The following GPC5 variants were observed in gnomAD, a reference collection of about 807,000 sequenced individuals.
GPC5 encodes the protein glypican-5.
In GPC5, 47 loss-of-function variants were observed where a neutral mutation model predicts 53.9. The ratio of observed to expected loss-of-function variants is 0.87; its 90% CI spans 0.69 to 1.11. The LOEUF is 1.11. GPC5 is among the 50% of genes most tolerant of loss of function. The pLI, the probability that GPC5 is intolerant of heterozygous loss-of-function variation, is 0.00. For missense variants in GPC5, 748 were observed against 713.1 expected (o/e 1.05, Z -0.56); for synonymous variants, 286 against 263.3 (o/e 1.09, Z -0.84).
chr13:91,556,604 C>A (rs974225299), intron 2 of GPC5, among the ~76,000 whole-genome samples: 19 of 151,574 alleles, frequency 1.3e-4, no homozygotes, highest in Admixed American at 1.2e-3. Flanking sequence ...CACATATACA[C>A]ACACATATAT....
At chr13:91,940,070 G>A (rs2039910932) in intron 6 of GPC5, among the ~76,000 whole-genome samples, 1 of 151,952 alleles carries the variant, frequency 6.6e-6, no homozygotes, top group Non-Finnish European at 1.5e-5. Context: ...ATTCTATTTT[G>A]TTTTAACTGG....
chr13:92,571,392 G>A (rs1465265791), intron 7 of GPC5, among the ~76,000 whole-genome samples: 2 of 152,142 alleles, frequency 1.3e-5, no homozygotes, highest in African/African-American at 4.8e-5. Flanking sequence ...AAGGAGCCAG[G>A]CCATGCGCCA....
chr13:92,633,101 G>A (rs561729256), intron 7 of GPC5, among the ~76,000 whole-genome samples: 8 of 152,246 alleles, frequency 5.3e-5, no homozygotes, highest in African/African-American at 1.9e-4. Flanking sequence ...ATGTTGGCCA[G>A]GCTGGTCATG....
chr13:92,579,294 TCTCTCTCC>T (rs1566302785), intron 7 of GPC5, among the ~76,000 whole-genome samples: 7 of 64,722 alleles, frequency 1.1e-4, no homozygotes, highest in African/African-American at 3.2e-4. Flanking sequence ...TCTCTCTCTC[TCTCTCTCC>T]CTCCCTCCCT....
At chr13:92,822,127 ATAAT>A (rs1877694542) in intron 7 of GPC5, among the ~76,000 whole-genome samples, 1 of 152,154 alleles carries the variant, frequency 6.6e-6, no homozygotes, top group South Asian at 2.1e-4. Context: ...ATTACCTCAA[ATAAT>A]TATTACAAAG....
chr13:91,747,281 A>T (rs1411725922), intron 4 of GPC5, among the ~76,000 whole-genome samples: 1 of 152,194 alleles, frequency 6.6e-6, no homozygotes, highest in Non-Finnish European at 1.5e-5. Flanking sequence ...GGTGGGTTGC[A>T]TTCCCCTTTA....
intron 7 of GPC5, among the ~76,000 whole-genome samples, chr13:92,356,430 C>T (rs865773763): frequency 6.6e-6 from 1 of 152,022 alleles, no homozygotes; most frequent in Non-Finnish European, 1.5e-5. Context: ...TAGCAAAAGT[C>T]GAAACAGAAA....
At chr13:91,892,235 C>T (rs991903425) in intron 5 of GPC5, among the ~76,000 whole-genome samples, 2 of 151,800 alleles carry the variant, frequency 1.3e-5, no homozygotes, top group Non-Finnish European at 2.9e-5. Flanking sequence ...CAAACATTGA[C>T]CACATAGTAT....
At chr13:91,802,685 C>T (rs2038155270) in intron 5 of GPC5, among the ~76,000 whole-genome samples, 1 of 152,124 alleles carries the variant, frequency 6.6e-6, no homozygotes, top group South Asian at 2.1e-4. Flanking sequence ...GAAAAGTTCT[C>T]CAAGTCCCCA....
intron 2 of GPC5, among the ~76,000 whole-genome samples, chr13:91,645,076 G>T (rs2139515037): frequency 6.6e-6 from 1 of 152,286 alleles, no homozygotes; most frequent in Non-Finnish European, 1.5e-5. Context: ...TCATTTCCTG[G>T]CTTTACCACT....
At chr13:92,528,611 A>C (rs1222258258) in intron 7 of GPC5, among the ~76,000 whole-genome samples, 1 of 152,096 alleles carries the variant, frequency 6.6e-6, no homozygotes, top group Non-Finnish European at 1.5e-5. Context: ...GTGATCTATT[A>C]AAATCTTAAA....
intron 6 of GPC5, among the ~76,000 whole-genome samples, chr13:92,050,969 A>G (rs182758244): frequency 6.6e-6 from 1 of 152,348 alleles, no homozygotes; most frequent in Admixed American, 6.5e-5. Context: ...TATTTTAAAA[A>G]TACATTTGAT....
chr13:91,497,363 T>A (rs1268631592), intron 2 of GPC5, among the ~76,000 whole-genome samples: 1 of 152,156 alleles, frequency 6.6e-6, no homozygotes, highest in Non-Finnish European at 1.5e-5. Flanking sequence ...GTCATCAAAT[T>A]AATCTGGACT....
At chr13:92,591,075 T>G (rs949666503) in intron 7 of GPC5, among the ~76,000 whole-genome samples, 3 of 152,240 alleles carry the variant, frequency 2.0e-5, no homozygotes, top group African/African-American at 7.2e-5. Flanking sequence ...AATGTAAGAT[T>G]ATTAAAATAA....
chr13:91,645,916 G>A (rs1244928089), intron 2 of GPC5, among the ~76,000 whole-genome samples: 1 of 152,200 alleles, frequency 6.6e-6, no homozygotes, highest in Non-Finnish European at 1.5e-5. Flanking sequence ...ACTTTGGATA[G>A]CACTGATGCA....
chr13:92,519,840 T>G lies in GPC5; in HGVS notation c.1562-346442T>G, dbSNP rs369947297. Among the ~76,000 whole-genome samples, 22 of 152,106 alleles carry G rather than the reference T, an allele frequency of 1.4e-4. No individual in the cohort carries two copies. The East Asian group carries it at 3.9e-3, about 27-fold the overall frequency. ...CTTCAAAAAATCAATGAATCCAGGA[T>G]CTGTTTTTTTGAAAAGATCAACAAA... On this transcript the variant is annotated intron_variant, in intron 7 of 7. Transcript: ENST00000377067.
intron 7 of GPC5, among the ~76,000 whole-genome samples, chr13:92,510,530 T>C (rs1285082888): frequency 6.6e-6 from 1 of 152,210 alleles, no homozygotes; most frequent in Non-Finnish European, 1.5e-5. Flanking sequence ...GTATTATTCA[T>C]TCAATTGCAA....
At chr13:92,564,299 CAAG>C (rs1343911234) in intron 7 of GPC5, among the ~76,000 whole-genome samples, 1 of 151,860 alleles carries the variant, frequency 6.6e-6, no homozygotes, top group Admixed American at 6.6e-5. Context: ...ATCTGTGAAA[CAAG>C]AGATTCTAAG....
At chr13:92,856,020 T>A (rs1017167206) in intron 7 of GPC5, among the ~76,000 whole-genome samples, 1 of 152,084 alleles carries the variant, frequency 6.6e-6, no homozygotes, top group Middle Eastern at 3.4e-3. Context: ...GAAGCCAATA[T>A]CATTGTGATA....
Sources: allele counts gnomAD v4.1 joint callset (sites outside exome capture counted in the v4.1 genomes callset), GRCh38; gene constraint gnomAD v4.1.1; transcripts MANE v1.5; gene names NCBI Gene and HGNC (gene_info 2026-07-23, HGNC 2026-07-21).